NKAIN3: variants seen among roughly 807,000 people sequenced by gnomAD.
The protein encoded by NKAIN3 is sodium/potassium transporting ATPase interacting 3, also known as sodium/potassium-transporting ATPase subunit beta-1-interacting protein 3.
In NKAIN3, 25 loss-of-function variants were observed where a neutral mutation model predicts 30.2. The observed-to-expected ratio is 0.83, with a 90% CI of 0.60 to 1.16. The LOEUF is 1.16. Among genes scored for constraint, NKAIN3 ranks in the 50% most tolerant of loss-of-function variants. The pLI, the probability that NKAIN3 is intolerant of heterozygous loss-of-function variation, is 0.00. For synonymous variants in NKAIN3, 91 were observed against 89.6 expected (o/e 1.02, Z -0.09); for missense variants, 225 against 254.1 (o/e 0.89, Z 0.78).
chr8:62,683,912 G>A (rs372932471), intron 3 of NKAIN3, among the ~76,000 whole-genome samples: 4 of 152,164 alleles, frequency 2.6e-5, no homozygotes, highest in African/African-American at 9.7e-5. Flanking sequence ...CTGGTGCATG[G>A]TTTGACAAAG....
chr8:62,734,773 T>C (rs1340299215), intron 3 of NKAIN3, among the ~76,000 whole-genome samples: 2 of 152,236 alleles, frequency 1.3e-5, no homozygotes, highest in African/African-American at 2.4e-5. Context: ...TATATAGTGA[T>C]ATCTGTGAAT....
In NKAIN3 at chr8:62,458,610, CT is replaced by C. The variant is rs1169357972; in HGVS notation, c.55-120926del. Reference sequence around the variant, plus strand: ...GGCAGACACTTTTCTAAAAGTTTGCCTTTGTAGAACAAAATTCATTTGTCAA... The same window carrying C: ...GGCAGACACTTTTCTAAAAGTTTGCCTTGTAGAACAAAATTCATTTGTCAA... On this transcript the variant is annotated intron_variant, in intron 1 of 6. Coordinates refer to ENST00000623646, the MANE Select transcript of NKAIN3 (RefSeq NM_001304533.3). Among the ~76,000 whole-genome samples, 5 of 152,186 alleles carry C rather than the reference CT, an allele frequency of 3.3e-5. No homozygotes were observed. The East Asian group carries it at 9.6e-4, about 29-fold the overall frequency.
At chr8:62,896,319 A>G (rs1157039004) in intron 4 of NKAIN3, among the ~76,000 whole-genome samples, 1 of 152,048 alleles carries the variant, frequency 6.6e-6, no homozygotes, top group Non-Finnish European at 1.5e-5. Context: ...TACCTTCCAA[A>G]AGCATCACCT....
intron 4 of NKAIN3, among the ~76,000 whole-genome samples, chr8:62,876,839 AG>A (rs935086345): frequency 6.6e-6 from 1 of 150,694 alleles, no homozygotes; most frequent in Non-Finnish European, 1.5e-5. Flanking sequence ...AGGAACTTAG[AG>A]GATGGGTCAA....
intron 3 of NKAIN3, among the ~76,000 whole-genome samples, chr8:62,746,312 T>A (rs548609851): frequency 6.6e-6 from 1 of 152,314 alleles, no homozygotes; most frequent in South Asian, 2.1e-4. Flanking sequence ...GCATTTAGGG[T>A]CCACTCAGAT....
At chr8:62,618,506 T>A (rs1217752809) in intron 3 of NKAIN3, among the ~76,000 whole-genome samples, 1 of 151,720 alleles carries the variant, frequency 6.6e-6, no homozygotes, top group Non-Finnish European at 1.5e-5. Flanking sequence ...CTTCGCTCGC[T>A]CGTGGTGGAC....
intron 1 of NKAIN3, among the ~76,000 whole-genome samples, chr8:62,433,084 A>G (rs900304209): frequency 6.6e-6 from 1 of 152,200 alleles, no homozygotes; most frequent in Non-Finnish European, 1.5e-5. Flanking sequence ...TGTTTAATAA[A>G]TGTCCTGGCA....
chr8:62,249,886 G>A (rs1453540624), intron 1 of NKAIN3, among the ~76,000 whole-genome samples: 2 of 152,192 alleles, frequency 1.3e-5, no homozygotes, highest in Non-Finnish European at 2.9e-5. Flanking sequence ...TTTCAGAGCA[G>A]AGCAAATGCT....
chr8:62,390,182 C>G (rs902610403), intron 1 of NKAIN3, among the ~76,000 whole-genome samples: 35 of 152,058 alleles, frequency 2.3e-4, no homozygotes, highest in Non-Finnish European at 5.1e-4. Context: ...TCTTCCTGAT[C>G]CCTTCCTTTA....
chr8:62,522,867 T>C (rs1380281183), intron 1 of NKAIN3, among the ~76,000 whole-genome samples: 1 of 152,044 alleles, frequency 6.6e-6, no homozygotes, highest in Non-Finnish European at 1.5e-5. Flanking sequence ...AATTAAAAAG[T>C]TTATAAAGTG....
At chr8:62,785,034 T>G (rs756096660) in intron 4 of NKAIN3, among the ~76,000 whole-genome samples, 1 of 152,166 alleles carries the variant, frequency 6.6e-6, no homozygotes, top group African/African-American at 2.4e-5. Flanking sequence ...ATGCAGCTGC[T>G]TTGGAAAACA....
intron 1 of NKAIN3, among the ~76,000 whole-genome samples, chr8:62,539,787 C>T (rs1361191515): frequency 6.6e-6 from 1 of 152,088 alleles, no homozygotes; most frequent in Non-Finnish European, 1.5e-5. Flanking sequence ...CACTGTGTTG[C>T]CCAGGCTGGT....
At chr8:62,572,261 A>T (rs1224367995) in intron 1 of NKAIN3, among the ~76,000 whole-genome samples, 1 of 152,200 alleles carries the variant, frequency 6.6e-6, no homozygotes, top group East Asian at 1.9e-4. Context: ...TTGCTTAAAC[A>T]TAACAAGAGT....
intron 4 of NKAIN3, among the ~76,000 whole-genome samples, chr8:62,889,903 T>G (rs1277179089): frequency 6.6e-6 from 1 of 152,160 alleles, no homozygotes; most frequent in African/African-American, 2.4e-5. Context: ...TATTTCTGGT[T>G]CCATGTTGAG....
chr8:62,676,845 C>G (rs1813493506), intron 3 of NKAIN3, among the ~76,000 whole-genome samples: 1 of 151,404 alleles, frequency 6.6e-6, no homozygotes, highest in Non-Finnish European at 1.5e-5. Flanking sequence ...TCCTGAGTAA[C>G]TGGCATGACA....
intron 1 of NKAIN3, among the ~76,000 whole-genome samples, chr8:62,264,194 A>T (rs1159981331): frequency 6.6e-6 from 1 of 152,160 alleles, no homozygotes; most frequent in African/African-American, 2.4e-5. Context: ...ATGGTGGATT[A>T]TTTGCCTCCT....
At chr8:62,997,710 G>T (rs908051715) in intron 5 of NKAIN3, among the ~76,000 whole-genome samples, 1 of 151,234 alleles carries the variant, frequency 6.6e-6, no homozygotes, top group South Asian at 2.1e-4. Flanking sequence ...TTTAATTAGG[G>T]CTATTATTAG....
intron 1 of NKAIN3, among the ~76,000 whole-genome samples, chr8:62,415,142 T>TAC (rs1216182646): frequency 2.0e-4 from 25 of 124,998 alleles, no homozygotes; most frequent in Non-Finnish European, 3.6e-4. Flanking sequence ...ATAGTATATA[T>TAC]GTATTATATA....
At chr8:62,616,650 T>A (rs551668463) in intron 3 of NKAIN3, among the ~76,000 whole-genome samples, 32 of 152,248 alleles carry the variant, frequency 2.1e-4, no homozygotes, top group Non-Finnish European at 3.8e-4. Context: ...TACGTAGGCA[T>A]GCTTGATTAA....
Sources: gnomAD v4.1 joint callset for allele counts (sites outside exome capture counted in the v4.1 genomes callset) on GRCh38, gnomAD v4.1.1 for gene constraint, MANE v1.5 for transcripts, NCBI Gene and HGNC (gene_info 2026-07-23, HGNC 2026-07-21) for gene names.